Variants in TAS2R1 observed in about 807,000 individuals in gnomAD.
TAS2R1 encodes taste 2 receptor member 1, also known as taste receptor type 2 member 1.
For missense variants in TAS2R1, 370 were observed against 353.4 expected (o/e 1.05, Z -0.38); for synonymous variants, 141 against 134.2 (o/e 1.05, Z -0.35).
the TAS2R1 span, among the ~76,000 whole-genome samples, chr5:9,892,146 T>G: frequency 2.6e-5 from 4 of 151,992 alleles, no homozygotes; most frequent in Non-Finnish European, 5.9e-5. Context: ...ATTTAGGGGG[T>G]TTTATTTCTT....
chr5:9,657,270 C>A (rs540784739), intron 2 of TAS2R1, among the ~76,000 whole-genome samples: 2 of 152,114 alleles, frequency 1.3e-5, no homozygotes, highest in South Asian at 2.1e-4. Context: ...TAATTTCAAA[C>A]AACCAAAAAA....
At chr5:9,786,165 G>A in the TAS2R1 span, among the ~76,000 whole-genome samples, 38,636 of 152,110 alleles carry the variant, frequency 0.25, 5,408 homozygotes, top group Middle Eastern at 0.42. Flanking sequence ...ATTAGGAAAA[G>A]GTGAAGGAGG....
chr5:9,834,750 C>T, the TAS2R1 span, among the ~76,000 whole-genome samples: 2 of 93,498 alleles, frequency 2.1e-5, no homozygotes, highest in African/African-American at 5.4e-5. Flanking sequence ...GTTATTACTG[C>T]ATTAAAAAAA....
intron 2 of TAS2R1, among the ~76,000 whole-genome samples, chr5:9,646,690 C>T (rs1224457790): frequency 6.6e-6 from 1 of 152,170 alleles, no homozygotes; most frequent in African/African-American, 2.4e-5. Flanking sequence ...TTCAAAGCAG[C>T]TGTCTCCAGA....
At chr5:9,636,294 G>A (rs370620215) in intron 2 of TAS2R1, among the ~76,000 whole-genome samples, 4 of 152,122 alleles carry the variant, frequency 2.6e-5, no homozygotes, top group Middle Eastern at 3.4e-3. Flanking sequence ...ACTGTAGTCC[G>A]AGAGTGTACT....
the TAS2R1 span, among the ~76,000 whole-genome samples, chr5:9,793,144 G>A: frequency 1.3e-5 from 2 of 152,096 alleles, no homozygotes; most frequent in Non-Finnish European, 2.9e-5. Flanking sequence ...TAAAATGGCA[G>A]GACTGGAAAA....
the TAS2R1 span, among the ~76,000 whole-genome samples, chr5:9,847,399 C>A: frequency 2.0e-5 from 3 of 152,108 alleles, no homozygotes; most frequent in African/African-American, 7.2e-5. Context: ...ATCCCTGAAA[C>A]AATACACAAA....
the TAS2R1 span, among the ~76,000 whole-genome samples, chr5:9,737,223 T>C: frequency 6.6e-6 from 1 of 152,160 alleles, no homozygotes; most frequent in South Asian, 2.1e-4. Flanking sequence ...AGCCTCCTAC[T>C]AGAAGAACCC....
the TAS2R1 span, among the ~76,000 whole-genome samples, chr5:9,799,168 T>G: frequency 3.3e-5 from 5 of 152,202 alleles, no homozygotes; most frequent in African/African-American, 1.2e-4. Context: ...GCTCTACCCC[T>G]TATCATTTTT....
the TAS2R1 span, among the ~76,000 whole-genome samples, chr5:9,823,732 GAGGA>G: frequency 2.0e-5 from 3 of 151,806 alleles, no homozygotes; most frequent in African/African-American, 7.3e-5. Context: ...TGGACGGAGG[GAGGA>G]AGGAAGGAAG....
chr5:9,879,064 C>T, the TAS2R1 span, among the ~76,000 whole-genome samples: 69 of 152,390 alleles, frequency 4.5e-4, no homozygotes, highest in Admixed American at 1.6e-3. Context: ...TCAGTTTCCA[C>T]AGCAGGGCTG....
chr5:9,668,713 T>C (rs951892020), intron 1 of TAS2R1, among the ~76,000 whole-genome samples: 2 of 152,164 alleles, frequency 1.3e-5, no homozygotes, highest in African/African-American at 4.8e-5. Flanking sequence ...GGAAATGTTA[T>C]GGGAATTTGT....
the TAS2R1 span, among the ~76,000 whole-genome samples, chr5:9,788,055 G>T: frequency 6.6e-6 from 1 of 152,218 alleles, no homozygotes; most frequent in Admixed American, 6.5e-5. Context: ...AAGTGAGGTT[G>T]TGCCAGAATC....
At chr5:9,757,780 A>G in the TAS2R1 span, among the ~76,000 whole-genome samples, 1 of 152,180 alleles carries the variant, frequency 6.6e-6, no homozygotes, top group Non-Finnish European at 1.5e-5. Flanking sequence ...ACTGATAGAA[A>G]AGTTTGTTAG....
At chr5:9,725,891 A>G in the TAS2R1 span, among the ~76,000 whole-genome samples, 1 of 148,438 alleles carries the variant, frequency 6.7e-6, no homozygotes, top group Non-Finnish European at 1.5e-5. Context: ...TGAATGCACC[A>G]GTGGACACTC....
At chr5:9,646,811 A>G (rs1409381436) in intron 2 of TAS2R1, among the ~76,000 whole-genome samples, 1 of 152,114 alleles carries the variant, frequency 6.6e-6, no homozygotes, top group Non-Finnish European at 1.5e-5. Flanking sequence ...GGGGAAACTG[A>G]AGCTATCTCT....
chr5:9,629,904 C>A lies in TAS2R1; in HGVS notation c.129G>T (p.Pro43=), dbSNP rs771007431. 1.2e-6 allele frequency: 2 copies of A among 1,614,012 alleles called. No individual in the cohort carries two copies. The highest frequency in any genetic ancestry group is 4.5e-5 in the East Asian group (2 of 44,880). The change falls in exon 1 of 1, where the codon CCG becomes CCT. Residue 43 remains proline (P), a synonymous_variant. Coordinates refer to ENST00000382492, the MANE Select transcript of TAS2R1 (RefSeq NM_019599.3). Reference sequence around the variant, plus strand: ...CCAGACAAGAAAGAAGGAGATCCAGCGGAGCCATTTTTCTGTGCTTGATCA... The same window carrying A: ...CCAGACAAGAAAGAAGGAGATCCAGAGGAGCCATTTTTCTGTGCTTGATCA... ...IDLIKHRKMA[P]LDLLLSCLAV...
At chr5:9,705,973 A>T (rs1741601599) in intron 1 of TAS2R1, among the ~76,000 whole-genome samples, 1 of 152,194 alleles carries the variant, frequency 6.6e-6, no homozygotes, top group Non-Finnish European at 1.5e-5. Flanking sequence ...TTCCTCTACA[A>T]AGACCAAATT....
chr5:9,680,758 A>C (rs1419236953), intron 1 of TAS2R1, among the ~76,000 whole-genome samples: 1 of 152,176 alleles, frequency 6.6e-6, no homozygotes, highest in Admixed American at 6.6e-5. Flanking sequence ...AATTAAATCT[A>C]ACGTGGTATC....
Sources: allele counts gnomAD v4.1 joint callset (sites outside exome capture counted in the v4.1 genomes callset), GRCh38; gene constraint gnomAD v4.1.1; transcripts MANE v1.5; gene names NCBI Gene and HGNC (gene_info 2026-07-23, HGNC 2026-07-21).